ACSL1: variants seen among roughly 807,000 people sequenced by gnomAD.
ACSL1 encodes the protein long-chain-fatty-acid--CoA ligase 1.
A neutral mutation model predicts 98.4 loss-of-function variants in ACSL1; 41 were observed. That is an observed-to-expected ratio of 0.42 (90% CI 0.32 to 0.54). The LOEUF (loss-of-function observed/expected upper bound fraction) is 0.54. Ranked by LOEUF, ACSL1 falls within the 20% of genes least tolerant of loss-of-function variation. The probability of loss-of-function intolerance (pLI) is 0.13; values close to 1 mark genes in which losing one functional copy is unlikely to be tolerated. For missense variants in ACSL1, 734 were observed against 883.1 expected (o/e 0.83, Z 2.14); for synonymous variants, 316 against 322.7 (o/e 0.98, Z 0.22).
intron 7 of ACSL1, among the ~76,000 whole-genome samples, chr4:184,774,251 T>C (rs1021962026): frequency 6.6e-6 from 1 of 152,144 alleles, no homozygotes; most frequent in African/African-American, 2.4e-5. Flanking sequence ...CATAACGAGA[T>C]ACTGCAGATA....
At chr4:184,820,549 G>A (rs1772985066) in intron 1 of ACSL1, among the ~76,000 whole-genome samples, 2 of 152,168 alleles carry the variant, frequency 1.3e-5, no homozygotes, top group South Asian at 4.1e-4. Context: ...CAGTGACACC[G>A]AAGGAGACCC....
intron 1 of ACSL1, among the ~76,000 whole-genome samples, chr4:184,812,945 T>C (rs1375158630): frequency 1.3e-5 from 2 of 152,110 alleles, no homozygotes; most frequent in Admixed American, 1.3e-4. Context: ...GTGAGGAGAA[T>C]GCTCCCAGAA....
chr4:184,757,340 G>A lies in ACSL1; in HGVS notation c.1957-75C>T. On this transcript the variant is annotated intron_variant, in intron 20 of 20. Transcript: ENST00000281455. The surrounding 1 kb of genome is among the most constrained non-coding windows in gnomAD (Gnocchi z 4.5). ...GTCTCAAAAGCACGTAAGCCTTGGA[G>A]GGGATCAACACTCTCCAGCCATCCA... The A allele has an allele frequency of 2.0e-6, 3 of 1,519,026 alleles. No homozygotes were observed. Among genetic ancestry groups the A allele is most frequent in the Non-Finnish European group, 2.7e-6 (3 of 1,125,310 alleles). The allele number at this position is 1,519,026 out of a possible 1,614,324, so 94.1% of individuals were successfully genotyped here.
At chr4:184,798,479 A>C in intron 2 of ACSL1, 1 of 174,380 alleles carries the variant, frequency 5.7e-6, no homozygotes, top group East Asian at 1.4e-4. Flanking sequence ...AGGAACTCAC[A>C]TATTCTCTCT....
At chr4:184,794,158 C>A (rs867449939) in intron 2 of ACSL1, among the ~76,000 whole-genome samples, 1 of 152,322 alleles carries the variant, frequency 6.6e-6, no homozygotes, top group Non-Finnish European at 1.5e-5. Flanking sequence ...ACATTTTACA[C>A]GCATCTTAGC....
chr4:184,792,493 T>G (rs1277992668), intron 2 of ACSL1, among the ~76,000 whole-genome samples: 1 of 152,302 alleles, frequency 6.6e-6, no homozygotes, highest in East Asian at 1.9e-4. Context: ...TAGAGTTCAG[T>G]GGCATTATCA....
chr4:184,808,559 T>G, intron 1 of ACSL1: 2 of 951,478 alleles, frequency 2.1e-6, no homozygotes, highest in South Asian at 4.9e-5. Context: ...CTCCTCCCCT[T>G]GTACAATAGG....
intron 18 of ACSL1, among the ~76,000 whole-genome samples, chr4:184,759,436 C>T (rs1762571899): frequency 1.3e-5 from 2 of 152,288 alleles, no homozygotes; most frequent in South Asian, 4.1e-4. Context: ...GCAACCTACT[C>T]ATCTGACAAA....
intron 2 of ACSL1, among the ~76,000 whole-genome samples, chr4:184,798,133 G>C (rs1253337235): frequency 6.6e-6 from 1 of 152,196 alleles, no homozygotes; most frequent in African/African-American, 2.4e-5. Context: ...AACTGGTTCT[G>C]TGTATTGTAA....
chr4:184,800,836 C>T (rs1428285969), intron 2 of ACSL1, among the ~76,000 whole-genome samples: 2 of 152,206 alleles, frequency 1.3e-5, no homozygotes, highest in South Asian at 2.1e-4. Flanking sequence ...TGAGTGTTAA[C>T]CTCCTCTTTA....
Position 184,783,776 on chromosome 4 carries a change from A to C in ACSL1, c.375+151T>G, listed in dbSNP as rs538819704. The C allele has an allele frequency of 2.3e-5, 17 of 741,206 alleles. No individual in the cohort carries two copies. In the East Asian group the frequency reaches 4.3e-4, roughly 19 times the overall value. 45.9% of individuals were successfully genotyped at this position (741,206 alleles called of 1,614,324 possible). A position where few individuals can be genotyped will look rare whatever the true frequency, so the allele number is the denominator to read the frequency against. On this transcript the variant is annotated intron_variant, in intron 4 of 20. Coordinates refer to ENST00000281455, the MANE Select transcript of ACSL1 (RefSeq NM_001995.5). ...TTGTTCTCCCCAAACCTTTGTGTCA[A>C]GTTTCTCCTTGGATGCCCCATGCTT...
intron 2 of ACSL1, chr4:184,798,166 A>C (rs76271257): frequency 6.6e-6 from 1 of 152,244 alleles, no homozygotes; most frequent in Non-Finnish European, 1.5e-5. Context: ...TGCTGGAACC[A>C]AGGTCTGATA....
chr4:184,772,774 T>C (rs1312102444), intron 10 of ACSL1, among the ~76,000 whole-genome samples: 1 of 152,222 alleles, frequency 6.6e-6, no homozygotes, highest in Non-Finnish European at 1.5e-5. Flanking sequence ...AGAGAGTCCA[T>C]CTCTTCTCTG....
At chr4:184,780,580 G>T in intron 4 of ACSL1, 147 bp from the exon 5 acceptor site, 1 of 564,470 alleles carries the variant, frequency 1.8e-6, no homozygotes, top group African/African-American at 1.9e-5. Flanking sequence ...TTTATTGATA[G>T]ATTTTTTGGT....
At chr4:184,783,857 C>G in intron 4 of ACSL1, 70 bp downstream of exon 4, 1 of 1,431,708 alleles carries the variant, frequency 7.0e-7, no homozygotes, top group Admixed American at 1.7e-5. Context: ...CTTCCGGCTC[C>G]AAGAATGCAC....
intron 3 of ACSL1, among the ~76,000 whole-genome samples, chr4:184,786,854 CA>C (rs1269828823): frequency 6.6e-6 from 1 of 152,118 alleles, no homozygotes. Context: ...CCACCATGCC[CA>C]GCTAACTTTT....
chr4:184,778,537 C>G (rs967766763), intron 5 of ACSL1, among the ~76,000 whole-genome samples: 2 of 152,184 alleles, frequency 1.3e-5, no homozygotes, highest in Non-Finnish European at 2.9e-5. Context: ...TCAGGTGCCA[C>G]CTCCAGGGAG....
intron 1 of ACSL1, among the ~76,000 whole-genome samples, chr4:184,822,426 G>C (rs543678027): frequency 1.3e-5 from 2 of 152,126 alleles, no homozygotes; most frequent in African/African-American, 4.8e-5. Flanking sequence ...ATACTGTGTT[G>C]TTTCTAACAC....
chr4:184,795,335 C>A (rs735948), intron 2 of ACSL1, among the ~76,000 whole-genome samples: 1 of 152,092 alleles, frequency 6.6e-6, no homozygotes, highest in Admixed American at 6.6e-5. Flanking sequence ...CACGCATTTC[C>A]GTCCTTTATG....
Sources: gnomAD v4.1 joint callset for allele counts (sites outside exome capture counted in the v4.1 genomes callset) on GRCh38, gnomAD v4.1.1 for gene constraint, Gnocchi (gnomAD v3.1) non-coding constraint, MANE v1.5 for transcripts, NCBI Gene and HGNC (gene_info 2026-07-23, HGNC 2026-07-21) for gene names.